DAB1: variants seen among roughly 807,000 people sequenced by gnomAD.
The protein encoded by DAB1 is DAB adaptor protein 1, also known as disabled homolog 1.
DAB1 carries 15 observed loss-of-function variants against 64.6 expected under a neutral mutation model. That is an observed-to-expected ratio of 0.23 (90% CI 0.16 to 0.36). The LOEUF (loss-of-function observed/expected upper bound fraction) is 0.36. Among genes scored for constraint, DAB1 ranks in the 10% least tolerant of loss-of-function variants. The pLI, the probability that DAB1 is intolerant of heterozygous loss-of-function variation, is 1.00. For missense variants in DAB1, 596 were observed against 706.7 expected, an observed-to-expected ratio of 0.84 and a Z score of 1.78; for synonymous variants, 235 against 251.9, an observed-to-expected ratio of 0.93 and a Z score of 0.64.
intron 3 of DAB1, among the ~76,000 whole-genome samples, chr1:58,428,558 C>T (rs983118338): frequency 6.6e-6 from 1 of 152,148 alleles, no homozygotes; most frequent in East Asian, 1.9e-4. Flanking sequence ...ATACCACTGA[C>T]TAGATATTTG....
chr1:57,957,092 G>A (rs1220209734), intron 5 of DAB1, among the ~76,000 whole-genome samples: 1 of 152,192 alleles, frequency 6.6e-6, no homozygotes, highest in Non-Finnish European at 1.5e-5. Context: ...TTTGAAAGGA[G>A]GAGCATGTGA....
At chr1:57,960,801 T>C (rs1645501836) in intron 5 of DAB1, among the ~76,000 whole-genome samples, 1 of 152,278 alleles carries the variant, frequency 6.6e-6, no homozygotes, top group Non-Finnish European at 1.5e-5. Flanking sequence ...AAGTGTTGTC[T>C]TTGGCCTAGG....
intron 6 of DAB1, among the ~76,000 whole-genome samples, chr1:57,695,868 C>A (rs1306293246): frequency 6.6e-6 from 1 of 152,072 alleles, no homozygotes; most frequent in Non-Finnish European, 1.5e-5. Context: ...CCACTGCACT[C>A]CAGCCTGGGC....
chr1:57,722,900 T>G (rs944616780), intron 6 of DAB1, among the ~76,000 whole-genome samples: 1 of 152,110 alleles, frequency 6.6e-6, no homozygotes, highest in African/African-American at 2.4e-5. Context: ...TCTCCCCAAC[T>G]GAGAGAAGCA....
At chr1:58,048,838 G>A in intron 5 of DAB1, 1 of 1,028,490 alleles carries the variant, frequency 9.7e-7, no homozygotes. Context: ...GTTGTCAAAG[G>A]TTACAAAGGC....
intron 5 of DAB1, among the ~76,000 whole-genome samples, chr1:58,002,364 T>C (rs912385651): frequency 6.6e-6 from 1 of 152,218 alleles, no homozygotes; most frequent in Non-Finnish European, 1.5e-5. Context: ...GTATTTAGCA[T>C]ATTTTGGTAT....
chr1:57,564,780 G>A (rs764831390), intron 7 of DAB1, among the ~76,000 whole-genome samples: 6 of 152,182 alleles, frequency 3.9e-5, no homozygotes, highest in Non-Finnish European at 7.3e-5. Context: ...TATGTGTAAA[G>A]ACCAAATCTA....
At chr1:58,132,315 G>T (rs1241066187) in intron 5 of DAB1, among the ~76,000 whole-genome samples, 1 of 152,158 alleles carries the variant, frequency 6.6e-6, no homozygotes, top group Non-Finnish European at 1.5e-5. Context: ...CCCTGCTTCA[G>T]CTCGCGCACG....
chr1:58,455,112 C>T (rs554800865), intron 3 of DAB1, among the ~76,000 whole-genome samples: 68 of 152,312 alleles, frequency 4.5e-4, no homozygotes, highest in African/African-American at 1.6e-3. Flanking sequence ...TGAGTGAGAG[C>T]AAGTAGTTCA....
chr1:58,034,080 G>T (rs1165987590), intron 5 of DAB1, among the ~76,000 whole-genome samples: 1 of 152,190 alleles, frequency 6.6e-6, no homozygotes, highest in Non-Finnish European at 1.5e-5. Flanking sequence ...CAGCAAAAAT[G>T]ACAGGATGTT....
chr1:58,298,786 T>C (rs1662049864), intron 4 of DAB1, among the ~76,000 whole-genome samples: 1 of 152,192 alleles, frequency 6.6e-6, no homozygotes, highest in Admixed American at 6.5e-5. Context: ...TGCATCACTG[T>C]CTCCAGGAGG....
chr1:58,535,297 T>C (rs1646498435), intron 1 of DAB1, among the ~76,000 whole-genome samples: 1 of 152,152 alleles, frequency 6.6e-6, no homozygotes, highest in Non-Finnish European at 1.5e-5. Context: ...GTGTATGCTT[T>C]TTTTCACTTA....
chr1:58,021,799 T>C lies in DAB1; in HGVS notation n.387+128712A>G, dbSNP rs115539723. On this transcript the variant is annotated intron_variant and non_coding_transcript_variant, in intron 5 of 20. Transcript: ENST00000485760. ...AAATGAAAGTCTGAAGCAGTGGGTC[T>C]GAAAGGGCAACCGGGAATGATCTGG... 4.7e-3 allele frequency among the ~76,000 whole-genome samples: 712 copies of C among 152,296 alleles called. 9 individuals carry two copies. The highest frequency in any genetic ancestry group is 0.017 in the African/African-American group (686 of 41,554).
At chr1:58,528,963 T>C (rs1646392060) in intron 1 of DAB1, among the ~76,000 whole-genome samples, 1 of 152,216 alleles carries the variant, frequency 6.6e-6, no homozygotes, top group East Asian at 1.9e-4. Context: ...ATAAATGTTA[T>C]CTTTCTTATG....
intron 1 of DAB1, among the ~76,000 whole-genome samples, chr1:57,857,851 T>C (rs1486121520): frequency 6.6e-5 from 3 of 45,632 alleles, no homozygotes; most frequent in Admixed American, 4.8e-4. Flanking sequence ...AGAATGTTCA[T>C]ACAAAAAAAA....
chr1:57,193,782 A>T (rs1664380399), intron 2 of DAB1, among the ~76,000 whole-genome samples: 1 of 152,218 alleles, frequency 6.6e-6, no homozygotes, highest in Non-Finnish European at 1.5e-5. Context: ...TCACAAACAA[A>T]TTCCATTAGA....
intron 4 of DAB1, among the ~76,000 whole-genome samples, chr1:58,175,640 G>T (rs1656426217): frequency 6.6e-6 from 1 of 151,970 alleles, no homozygotes; most frequent in East Asian, 1.9e-4. Flanking sequence ...CAAAACTTTT[G>T]CCCATTTTTA....
chr1:58,005,739 T>A (rs1486195945), intron 5 of DAB1, among the ~76,000 whole-genome samples: 2 of 152,144 alleles, frequency 1.3e-5, no homozygotes, highest in Non-Finnish European at 2.9e-5. Flanking sequence ...GTCAAATTGG[T>A]TAATTAATAA....
At chr1:57,879,940 G>A (rs1372355010) in intron 1 of DAB1, among the ~76,000 whole-genome samples, 2 of 152,140 alleles carry the variant, frequency 1.3e-5, no homozygotes, top group Non-Finnish European at 2.9e-5. Flanking sequence ...TCCCAACACA[G>A]TCATTTCTCT....
Sources: gnomAD v4.1 joint callset for allele counts (sites outside exome capture counted in the v4.1 genomes callset) on GRCh38, gnomAD v4.1.1 for gene constraint, MANE v1.5 for transcripts, NCBI Gene and HGNC (gene_info 2026-07-23, HGNC 2026-07-21) for gene names.